USP30: variants seen among roughly 807,000 people sequenced by gnomAD.
USP30 encodes the protein ubiquitin specific peptidase 30.
USP30 carries 41 observed loss-of-function variants against 68.2 expected under a neutral mutation model. The observed-to-expected ratio is 0.60, with a 90% confidence interval of 0.47 to 0.78. The LOEUF is 0.78. Among genes scored for constraint, USP30 ranks in the 30% least tolerant of loss-of-function variants. USP30 has a pLI of 0.00. For missense variants in USP30, 522 were observed against 649.4 expected, an observed-to-expected ratio of 0.80 and a Z score of 2.13; for synonymous variants, 229 against 253.7, an observed-to-expected ratio of 0.90 and a Z score of 0.93.
At chr12:109,073,918 C>T (rs747167750) in intron 7 of USP30, among the ~76,000 whole-genome samples, 1 of 152,116 alleles carries the variant, frequency 6.6e-6, no homozygotes, top group African/African-American at 2.4e-5. Context: ...CACCCCAATC[C>T]ATTTTATTTT....
intron 3 of USP30, among the ~76,000 whole-genome samples, chr12:109,059,438 T>C (rs947096203): frequency 2.6e-5 from 4 of 152,200 alleles, no homozygotes; most frequent in African/African-American, 7.2e-5. Context: ...TCAAGTGGTA[T>C]GCCTGCCTCA....
chr12:109,065,270 G>T (rs1268555804), intron 3 of USP30, among the ~76,000 whole-genome samples: 1 of 152,160 alleles, frequency 6.6e-6, no homozygotes, highest in Non-Finnish European at 1.5e-5. Flanking sequence ...TAACATGCTG[G>T]GAAGGAGGGT....
At chr12:109,036,501 T>C (rs987463978) in intron 3 of USP30, among the ~76,000 whole-genome samples, 3 of 152,088 alleles carry the variant, frequency 2.0e-5, no homozygotes, top group South Asian at 4.1e-4. Flanking sequence ...TTTCACCATG[T>C]TGGCCTGGCA....
At chr12:109,061,393 TAAAA>T (rs57688181) in intron 3 of USP30, among the ~76,000 whole-genome samples, 1 of 138,886 alleles carries the variant, frequency 7.2e-6, no homozygotes, top group Non-Finnish European at 1.6e-5. Flanking sequence ...AACTTTGGTT[TAAAA>T]AAAAAAAAAA....
At chr12:109,068,760 G>A (rs923831543) in intron 4 of USP30, among the ~76,000 whole-genome samples, 2 of 152,110 alleles carry the variant, frequency 1.3e-5, no homozygotes, top group Non-Finnish European at 2.9e-5. Flanking sequence ...AACATCTTCA[G>A]CCCACAGCAG....
chr12:109,068,506 T>C (rs2041331361), intron 4 of USP30, among the ~76,000 whole-genome samples: 1 of 152,246 alleles, frequency 6.6e-6, no homozygotes. Context: ...ATGGTGGTGG[T>C]ATCTATACTT....
Position 109,086,044 on chromosome 12 carries a change from G to T in USP30, c.*113G>T. 1 of 1,441,928 alleles carries T rather than the reference G, an allele frequency of 6.9e-7. No homozygotes were observed. The highest frequency in any genetic ancestry group is 1.4e-5 in the African/African-American group (1 of 70,720). 89.3% of individuals were successfully genotyped at this position (1,441,928 alleles called of 1,614,324 possible). ...CCCCACTAGAGCCTTCCAGCCTTCT[G>T]GTGTGTTCTAAGAGCAGGCTCCACC... is the stretch of plus-strand genomic sequence containing the variant. On this transcript the variant is annotated 3_prime_UTR_variant, in exon 13 of 13. Transcript: ENST00000257548.
intron 1 of USP30, chr12:109,054,820 G>A (rs902280232): frequency 2.0e-5 from 3 of 152,162 alleles, no homozygotes; most frequent in Non-Finnish European, 4.4e-5. Flanking sequence ...ACCAAGTTTG[G>A]TGCATATTCT....
chr12:109,052,486 G>A (rs942340647), upstream of USP30: 19 of 461,482 alleles, frequency 4.1e-5, no homozygotes, highest in South Asian at 9.2e-4. Context: ...GAAAGGACGT[G>A]GTCCGTCAGC....
At position 109,086,314 on chromosome 12, in the gene USP30, T is replaced by G; in HGVS notation, c.*383T>G. On this transcript the variant is annotated 3_prime_UTR_variant, in exon 13 of 13. Coordinates refer to ENST00000257548, the MANE Select transcript of USP30 (RefSeq NM_032663.5). Reference sequence around the variant, plus strand: ...TTCCACTTAGATCTTTTATTTTTAATAAGCAGGCCCATAAAAATTGTTGAC... The same window carrying G: ...TTCCACTTAGATCTTTTATTTTTAAGAAGCAGGCCCATAAAAATTGTTGAC... 5.9e-6 allele frequency: 1 copy of G among 168,910 alleles called. No individual in the cohort carries two copies. The highest frequency in any genetic ancestry group is 1.3e-5 in the Non-Finnish European group (1 of 79,120). 10.5% of individuals were successfully genotyped at this position (168,910 alleles called of 1,614,324 possible).
chr12:109,085,754 C>T lies in USP30; in HGVS notation c.1377C>T (p.Ser459=). 1.2e-6 allele frequency: 2 copies of T among 1,614,200 alleles called. No homozygotes were observed. Among genetic ancestry groups the T allele is most frequent in the Non-Finnish European group, 1.7e-6 (2 of 1,180,034 alleles). ...GACACTTTGTCACTTACCGACGGTCCCCACCTTCTGCCAGGAACCCTCTCT... is the reference window on the plus strand; with the variant it reads ...GACACTTTGTCACTTACCGACGGTCTCCACCTTCTGCCAGGAACCCTCTCT... ...HSGHFVTYRR[S]PPSARNPLST... The change falls in exon 13 of 13, where the codon TCC becomes TCT. Residue 459 remains serine, a synonymous_variant. Coordinates refer to ENST00000257548, the MANE Select transcript of USP30 (RefSeq NM_032663.5).
At chr12:109,077,520 C>A (rs1446233533) in intron 7 of USP30, among the ~76,000 whole-genome samples, 1 of 152,048 alleles carries the variant, frequency 6.6e-6, no homozygotes, top group African/African-American at 2.4e-5. Context: ...TTGGTCATTT[C>A]TTTCTGTCAT....
At chr12:109,055,844 CAT>C (rs1477574367) in intron 1 of USP30, among the ~76,000 whole-genome samples, 1 of 143,370 alleles carries the variant, frequency 7.0e-6, no homozygotes, top group Non-Finnish European at 1.5e-5. Context: ...AGAAAAAAAA[CAT>C]AGCGAATAGG....
At chr12:109,082,077 C>A (rs992518714) in intron 9 of USP30, 58 bp downstream of exon 9, 9 of 1,554,252 alleles carry the variant, frequency 5.8e-6, no homozygotes, top group Non-Finnish European at 8.0e-6. Flanking sequence ...GATGTAGCGC[C>A]TCTCACACCA....
chr12:109,053,921 C>T, intron 1 of USP30: 1 of 444,320 alleles, frequency 2.3e-6, no homozygotes, highest in Non-Finnish European at 4.5e-6. Flanking sequence ...GGGAGACAGA[C>T]AGGCATGATT....
chr12:109,058,414 C>CA (rs1459874799), intron 3 of USP30, among the ~76,000 whole-genome samples: 3 of 151,934 alleles, frequency 2.0e-5, no homozygotes, highest in African/African-American at 7.3e-5. Flanking sequence ...ACTAAAAACA[C>CA]AAAAAATATT....
intron 3 of USP30, among the ~76,000 whole-genome samples, chr12:109,047,150 G>T (rs951562752): frequency 2.7e-5 from 4 of 145,672 alleles, no homozygotes; most frequent in South Asian, 4.7e-4. Flanking sequence ...GGTTTAGTGT[G>T]AACAACAGAG....
chr12:109,083,569 A>G (rs1370918405), intron 11 of USP30, among the ~76,000 whole-genome samples: 1 of 152,098 alleles, frequency 6.6e-6, no homozygotes, highest in African/African-American at 2.4e-5. Flanking sequence ...GGTCTTACTG[A>G]TAAGAACATG....
intron 1 of USP30, chr12:109,053,681 C>T: frequency 4.8e-6 from 1 of 209,052 alleles, no homozygotes; most frequent in African/African-American, 2.3e-5. Context: ...GGCCCCATAG[C>T]TGACCTCATA....
Sources: gnomAD v4.1 joint callset for allele counts (sites outside exome capture counted in the v4.1 genomes callset) on GRCh38, gnomAD v4.1.1 for gene constraint, MANE v1.5 for transcripts, NCBI Gene and HGNC (gene_info 2026-07-23, HGNC 2026-07-21) for gene names.